The following GPATCH2L variants were observed in gnomAD, a reference collection of about 807,000 sequenced individuals.
The protein encoded by GPATCH2L is G patch domain-containing protein 2-like.
GPATCH2L carries 31 observed loss-of-function variants against 57.4 expected under a neutral mutation model. The observed-to-expected ratio is 0.54, with a 90% confidence interval of 0.41 to 0.73. The LOEUF (loss-of-function observed/expected upper bound fraction) is 0.73, where lower values mean the gene tolerates loss of function less well. GPATCH2L is among the 30% of genes least tolerant of loss of function. GPATCH2L has a pLI of 0.00. For missense variants in GPATCH2L, 481 were observed against 599.9 expected (o/e 0.80, Z 2.07); for synonymous variants, 199 against 210.7 (o/e 0.94, Z 0.48).
chr14:76,198,222 G>A (rs1323669357), intron 9 of GPATCH2L, among the ~76,000 whole-genome samples: 1 of 152,066 alleles, frequency 6.6e-6, no homozygotes, highest in Non-Finnish European at 1.5e-5. Flanking sequence ...CCACACCCTG[G>A]ATCTTAGTGA....
At chr14:76,176,501 GACTTTTA>G in intron 5 of GPATCH2L, 115 bp from the exon 6 acceptor site, 1 of 684,034 alleles carries the variant, frequency 1.5e-6, no homozygotes. Context: ...TTTTAAGATT[GACTTTTA>G]ACATGTGCCT....
rs781256733 is a variant in GPATCH2L at position 76,214,135 on chromosome 14, G to GTATTATTGA, written c.*12288_*12289insATTGATATT. 18 of 152,030 alleles carry GTATTATTGA rather than the reference G, an allele frequency of 1.2e-4. No individual in the cohort carries two copies. The highest frequency in any genetic ancestry group is 2.2e-4 in the Non-Finnish European group (15 of 68,008). The allele number at this position is 152,030 out of a possible 1,614,324, so 9.4% of individuals were successfully genotyped here. A position where few individuals can be genotyped will look rare whatever the true frequency, so the allele number is the denominator to read the frequency against. ...TAAATTCATTTTTTAAGGTACATTG[G>GTATTATTGA]TATTTTATTGATATTATATGATATT... On this transcript the variant is annotated 3_prime_UTR_variant, in exon 10 of 10. Coordinates refer to ENST00000261530, the MANE Select transcript of GPATCH2L (RefSeq NM_017926.4).
chr14:76,171,928 T>C lies in GPATCH2L; in HGVS notation c.813T>C (p.Pro271=), dbSNP rs766598341. The C allele has an allele frequency of 3.1e-6, 5 of 1,608,502 alleles. No homozygotes were observed. Among genetic ancestry groups the C allele is most frequent in the Non-Finnish European group, 4.3e-6 (5 of 1,175,050 alleles). The change falls in exon 4 of 10, where the codon CCT becomes CCC. Residue 271 remains proline (P), a synonymous_variant. Coordinates refer to ENST00000261530, the MANE Select transcript of GPATCH2L (RefSeq NM_017926.4). ...TVPNLLPKWA[P]DHCSEVERMD... ...CTAATCTTCTGCCCAAGTGGGCTCC[T>C]GATCATTGTTCTGAAGTAGAAAGAA...
At chr14:76,220,359 A>G (rs28678417) in intron 1 of GPATCH2L, among the ~76,000 whole-genome samples, 41,579 of 152,136 alleles carry the variant, frequency 0.27, 5,762 homozygotes, top group Middle Eastern at 0.41. Context: ...ATATAGCTAT[A>G]CAAATATCAG....
At chr14:76,173,897 G>C (rs527614879) in intron 5 of GPATCH2L, 43 of 427,382 alleles carry the variant, frequency 1.0e-4, no homozygotes, top group African/African-American at 7.5e-4. Flanking sequence ...AGCCTGAGCT[G>C]TGTCTTCTGT....
chr14:76,181,742 C>T (rs772000986), intron 8 of GPATCH2L, among the ~76,000 whole-genome samples: 10 of 152,158 alleles, frequency 6.6e-5, no homozygotes, highest in African/African-American at 9.7e-5. Flanking sequence ...GTAGCACCCC[C>T]TACAGGGCTG....
chr14:76,177,398 T>C (rs569375573), intron 6 of GPATCH2L, among the ~76,000 whole-genome samples: 1 of 152,168 alleles, frequency 6.6e-6, no homozygotes, highest in South Asian at 2.1e-4. Flanking sequence ...AGGAAGCCTG[T>C]ATGTAGCTAC....
chr14:76,170,913 G>A (rs968186895), intron 3 of GPATCH2L, among the ~76,000 whole-genome samples: 1 of 152,142 alleles, frequency 6.6e-6, no homozygotes, highest in Non-Finnish European at 1.5e-5. Context: ...CTAGGCTTTA[G>A]TTGCCTTGTT....
At chr14:76,195,503 C>T (rs1428830224) in intron 8 of GPATCH2L, among the ~76,000 whole-genome samples, 2 of 152,148 alleles carry the variant, frequency 1.3e-5, no homozygotes, top group African/African-American at 2.4e-5. Flanking sequence ...TGTGTTCATG[C>T]AGCATTAAAC....
In GPATCH2L at chr14:76,195,954, T is replaced by C. The variant is rs761531343; in HGVS notation, c.1270T>C (p.Leu424=). 2 of 1,613,044 alleles carry C rather than the reference T, an allele frequency of 1.2e-6. No homozygotes were observed. The highest frequency in any genetic ancestry group is 1.7e-6 in the Non-Finnish European group (2 of 1,179,056). Residue 424 remains leucine (L), a synonymous_variant, in exon 9 of 10, where the codon TTG becomes CTG. Transcript: ENST00000261530. The part of the protein sequence containing the change: ...RKRKPVATAS[L]SSPSAVHMDA... ...GCGGAAACCAGTGGCCACAGCATCT[T>C]TGTCTAGCCCCAGTGCAGGTGATTA...
At chr14:76,216,203 T>A (rs997527276), downstream of GPATCH2L, among the ~76,000 whole-genome samples, 14 of 152,172 alleles carry the variant, frequency 9.2e-5, no homozygotes, top group African/African-American at 3.4e-4. Context: ...AAATTGCCTT[T>A]CTTGACCTTG....
downstream of GPATCH2L, among the ~76,000 whole-genome samples, chr14:76,215,933 TAAAAA>T (rs900189947): frequency 1.3e-5 from 2 of 151,134 alleles, no homozygotes; most frequent in African/African-American, 4.9e-5. Context: ...AAATAAAAAT[TAAAAA>T]AAATGACATG....
downstream of GPATCH2L, among the ~76,000 whole-genome samples, chr14:76,218,760 G>C (rs2040500551): frequency 6.6e-6 from 1 of 151,782 alleles, no homozygotes; most frequent in Admixed American, 6.6e-5. Flanking sequence ...TTTGTGAGTA[G>C]TCATACAGAT....
At chr14:76,188,792 T>G (rs540858775) in intron 8 of GPATCH2L, among the ~76,000 whole-genome samples, 16 of 152,246 alleles carry the variant, frequency 1.1e-4, no homozygotes, top group Non-Finnish European at 1.5e-4. Flanking sequence ...ACGAATGTCC[T>G]GGAGATTTTT....
intron 1 of GPATCH2L, among the ~76,000 whole-genome samples, chr14:76,221,947 T>C (rs866154172): frequency 2.6e-5 from 4 of 152,196 alleles, no homozygotes; most frequent in Non-Finnish European, 4.4e-5. Context: ...ACACTAATAG[T>C]GAACATTAGT....
chr14:76,193,035 C>G (rs987193073), intron 8 of GPATCH2L, among the ~76,000 whole-genome samples: 1 of 152,046 alleles, frequency 6.6e-6, no homozygotes, highest in South Asian at 2.1e-4. Flanking sequence ...CCTAGAGGAG[C>G]AGGGTGGTGG....
intron 1 of GPATCH2L, among the ~76,000 whole-genome samples, chr14:76,226,786 C>A (rs1272380194): frequency 6.6e-6 from 1 of 152,212 alleles, no homozygotes; most frequent in African/African-American, 2.4e-5. Flanking sequence ...AAAAGTAAAT[C>A]TCTCTTCTTT....
Position 76,210,268 on chromosome 14 carries a change from C to A in GPATCH2L, c.*8417C>A, listed in dbSNP as rs1349253147. On this transcript the variant is annotated 3_prime_UTR_variant, in exon 10 of 10. Coordinates refer to ENST00000261530, the MANE Select transcript of GPATCH2L (RefSeq NM_017926.4). ...ATTTTAAAACAATGAAATACACTTA[C>A]AGTTACAGACAAACTTGCTCGAGTC... 2.0e-5 allele frequency: 3 copies of A among 152,174 alleles called. No individual in the cohort carries two copies. Among genetic ancestry groups the A allele is most frequent in the African/African-American group, 7.2e-5 (3 of 41,438 alleles). 9.4% of individuals were successfully genotyped at this position (152,174 alleles called of 1,614,324 possible). A position where few individuals can be genotyped will look rare whatever the true frequency, so the allele number is the denominator to read the frequency against.
chr14:76,155,952 T>C (rs1009628042), intron 2 of GPATCH2L, among the ~76,000 whole-genome samples: 7 of 152,202 alleles, frequency 4.6e-5, no homozygotes, highest in Admixed American at 3.9e-4. Context: ...AGAACCAGTG[T>C]ATTCTATTAT....
Sources: allele counts gnomAD v4.1 joint callset (sites outside exome capture counted in the v4.1 genomes callset), GRCh38; gene constraint gnomAD v4.1.1; transcripts MANE v1.5; gene names NCBI Gene and HGNC (gene_info 2026-07-23, HGNC 2026-07-21).